The following DLGAP1 variants were observed in gnomAD, a reference collection of about 807,000 sequenced individuals.
The protein encoded by DLGAP1 is disks large-associated protein 1.
A neutral mutation model predicts 90.8 loss-of-function variants in DLGAP1; 11 were observed. The observed-to-expected ratio is 0.12, with a 90% CI of 0.08 to 0.20. The LOEUF (loss-of-function observed/expected upper bound fraction) is 0.20. Ranked by LOEUF, DLGAP1 falls within the 10% of genes least tolerant of loss-of-function variation. The pLI is 1.00. For missense variants in DLGAP1, 1,050 were observed against 1,333.8 expected, an observed-to-expected ratio of 0.79 and a Z score of 3.31; for synonymous variants, 558 against 540.7, an observed-to-expected ratio of 1.03 and a Z score of -0.44.
In DLGAP1 at chr18:3,628,006, G is replaced by A. The variant is rs1184938433; in HGVS notation, c.1592-45758C>T. ...TGATTCTCCTGCCACAGCCTCCCGA[G>A]TAGCTGGGATTACAGGCGCGCACCA... is the stretch of plus-strand genomic sequence containing the variant. On this transcript the variant is annotated intron_variant, in intron 7 of 12. Coordinates refer to ENST00000315677, the MANE Select transcript of DLGAP1 (RefSeq NM_004746.4). Among the ~76,000 whole-genome samples, 7 of 150,694 alleles carry A rather than the reference G, an allele frequency of 4.6e-5. No homozygotes were observed. In the South Asian group the frequency reaches 1.3e-3, roughly 27 times the overall value.
chr18:4,133,739 T>C (rs1402627), intron 2 of DLGAP1, among the ~76,000 whole-genome samples: 130,001 of 152,166 alleles, frequency 0.85, 56,007 homozygotes, highest in African/African-American at 0.96. Flanking sequence ...ATTCAACAAA[T>C]ACTATTAAAA....
chr18:4,086,492 C>T (rs551910244), intron 2 of DLGAP1, among the ~76,000 whole-genome samples: 30 of 152,252 alleles, frequency 2.0e-4, no homozygotes, highest in African/African-American at 5.8e-4. Context: ...CCACAAGTTT[C>T]GATATGTTGT....
intron 1 of DLGAP1, among the ~76,000 whole-genome samples, chr18:4,406,031 T>C (rs939384287): frequency 2.6e-5 from 4 of 152,314 alleles, no homozygotes; most frequent in African/African-American, 9.6e-5. Flanking sequence ...AGGATTCCCA[T>C]TAGTTACTTG....
chr18:3,930,590 C>T (rs76943337), intron 3 of DLGAP1, among the ~76,000 whole-genome samples: 1,534 of 152,200 alleles, frequency 0.01, 20 homozygotes, highest in African/African-American at 0.034. Flanking sequence ...CTACCCTGGA[C>T]GCCACGGCCT....
chr18:4,389,946 T>C (rs920966236), intron 1 of DLGAP1, among the ~76,000 whole-genome samples: 3 of 152,228 alleles, frequency 2.0e-5, no homozygotes, highest in African/African-American at 7.2e-5. Context: ...TCTAAGATAC[T>C]TCTACTTCAA....
At chr18:3,765,266 A>G (rs9955598) in intron 5 of DLGAP1, among the ~76,000 whole-genome samples, 2,594 of 150,292 alleles carry the variant, frequency 0.017, 78 homozygotes, top group African/African-American at 0.06. Context: ...GAGTAGCTGG[A>G]ACTACAGGCG....
At chr18:4,112,305 C>A (rs1413712358) in intron 2 of DLGAP1, among the ~76,000 whole-genome samples, 1 of 151,728 alleles carries the variant, frequency 6.6e-6, no homozygotes, top group Non-Finnish European at 1.5e-5. Context: ...ATTTTAATTT[C>A]TTTGAATTTA....
chr18:3,546,363 C>T (rs1438399125), intron 9 of DLGAP1, among the ~76,000 whole-genome samples: 1 of 147,908 alleles, frequency 6.8e-6, no homozygotes, highest in Non-Finnish European at 1.5e-5. Context: ...TGCAGTGAGC[C>T]AAGATAGAGC....
At chr18:4,060,630 G>T (rs1414893859) in intron 2 of DLGAP1, among the ~76,000 whole-genome samples, 1 of 152,150 alleles carries the variant, frequency 6.6e-6, no homozygotes, top group Admixed American at 6.5e-5. Context: ...CCCCTTCACA[G>T]AACTTGCACA....
chr18:4,061,621 G>C (rs2075300111), intron 2 of DLGAP1, among the ~76,000 whole-genome samples: 1 of 152,116 alleles, frequency 6.6e-6, no homozygotes, highest in Non-Finnish European at 1.5e-5. Context: ...TAACATCCAT[G>C]GTGCTTTCAT....
At chr18:3,599,389 C>A (rs1296324068) in intron 7 of DLGAP1, among the ~76,000 whole-genome samples, 50 of 152,206 alleles carry the variant, frequency 3.3e-4, no homozygotes, top group Non-Finnish European at 1.8e-4. Context: ...AATTTGTCTG[C>A]AGGGAGAGGT....
chr18:3,738,274 C>T (rs1197924031), intron 6 of DLGAP1, among the ~76,000 whole-genome samples: 1 of 146,584 alleles, frequency 6.8e-6, no homozygotes. Context: ...GAAAAAACTA[C>T]TTTAAAGTTC....
chr18:3,849,199 T>C (rs1039428058), intron 4 of DLGAP1, among the ~76,000 whole-genome samples: 2 of 152,204 alleles, frequency 1.3e-5, no homozygotes, highest in African/African-American at 4.8e-5. Flanking sequence ...CAAGTCAATA[T>C]GCGATTATCT....
intron 1 of DLGAP1, among the ~76,000 whole-genome samples, chr18:4,170,121 G>A (rs2076998399): frequency 6.6e-6 from 1 of 152,138 alleles, no homozygotes; most frequent in Admixed American, 6.5e-5. Context: ...AAGTGATGAT[G>A]GTTTAGAGGA....
At chr18:4,199,431 T>C (rs545256202) in intron 1 of DLGAP1, among the ~76,000 whole-genome samples, 1 of 152,384 alleles carries the variant, frequency 6.6e-6, no homozygotes, top group African/African-American at 2.4e-5. Context: ...CATTTTTGTA[T>C]TCTGACTCAT....
chr18:3,615,348 C>T (rs1342410397), intron 7 of DLGAP1, among the ~76,000 whole-genome samples: 3 of 152,154 alleles, frequency 2.0e-5, no homozygotes, highest in Admixed American at 1.3e-4. Context: ...ATTGGGGAGC[C>T]TCTATTTTCT....
At chr18:3,942,265 G>A (rs553813865) in intron 3 of DLGAP1, among the ~76,000 whole-genome samples, 173 of 152,314 alleles carry the variant, frequency 1.1e-3, no homozygotes, top group African/African-American at 3.8e-3. Flanking sequence ...AGCCCTCTGA[G>A]TGTTGCTATC....
intron 9 of DLGAP1, among the ~76,000 whole-genome samples, chr18:3,539,084 A>T (rs893218308): frequency 1.3e-5 from 2 of 152,230 alleles, no homozygotes; most frequent in African/African-American, 2.4e-5. Flanking sequence ...AAGTTCCTTA[A>T]GCAAGTGCTT....
chr18:3,822,024 GAAAA>G, intron 4 of DLGAP1: 46 of 662,084 alleles, frequency 6.9e-5, no homozygotes, highest in East Asian at 1.7e-4. Flanking sequence ...AGCAAAAACA[GAAAA>G]AAAAAAAAAA....
Sources: gnomAD v4.1 joint callset for allele counts (sites outside exome capture counted in the v4.1 genomes callset) on GRCh38, gnomAD v4.1.1 for gene constraint, MANE v1.5 for transcripts, NCBI Gene and HGNC (gene_info 2026-07-23, HGNC 2026-07-21) for gene names.